The following LDB2 variants were observed in gnomAD, a reference collection of about 807,000 sequenced individuals.
LDB2 encodes the protein LIM domain-binding protein 2.
Under a neutral mutation model 44.3 loss-of-function variants are expected in LDB2, and 12 were observed. The observed-to-expected ratio is 0.27, with a 90% CI of 0.17 to 0.44. The LOEUF is 0.44. LDB2 is among the 20% of genes least tolerant of loss of function. LDB2 has a pLI of 1.00. For missense variants in LDB2, 344 were observed against 473.5 expected, an observed-to-expected ratio of 0.73 and a Z score of 2.54; for synonymous variants, 164 against 174.8, an observed-to-expected ratio of 0.94 and a Z score of 0.49.
At chr4:16,780,549 G>A (rs1772967508) in intron 1 of LDB2, among the ~76,000 whole-genome samples, 1 of 152,072 alleles carries the variant, frequency 6.6e-6, no homozygotes, top group African/African-American at 2.4e-5. Context: ...GATATAGGTG[G>A]CTCCACAAGG....
At chr4:16,866,674 T>C (rs1174982757) in intron 1 of LDB2, among the ~76,000 whole-genome samples, 3 of 152,114 alleles carry the variant, frequency 2.0e-5, no homozygotes. Flanking sequence ...TAAAGGGAGC[T>C]GGACATAGGG....
chr4:16,572,796 G>A (rs1327131071), intron 5 of LDB2, among the ~76,000 whole-genome samples: 1 of 152,148 alleles, frequency 6.6e-6, no homozygotes, highest in Admixed American at 6.5e-5. Context: ...GGTGTTCCAA[G>A]TTTTAATCAT....
chr4:16,778,825 T>A (rs1364373831), intron 1 of LDB2, among the ~76,000 whole-genome samples: 1 of 152,198 alleles, frequency 6.6e-6, no homozygotes, highest in African/African-American at 2.4e-5. Context: ...TTGCTCAAGA[T>A]CACATAGACA....
chr4:16,873,817 A>G (rs1311431065), intron 1 of LDB2, among the ~76,000 whole-genome samples: 1 of 152,218 alleles, frequency 6.6e-6, no homozygotes, highest in Non-Finnish European at 1.5e-5. Flanking sequence ...CATCACCACA[A>G]CCAGTTTCAG....
intron 5 of LDB2, among the ~76,000 whole-genome samples, chr4:16,544,565 G>C (rs1263703424): frequency 6.6e-6 from 1 of 152,206 alleles, no homozygotes; most frequent in African/African-American, 2.4e-5. Context: ...CCATGTTCCT[G>C]GGAGAAGGGG....
At chr4:16,687,158 A>T (rs13104990) in intron 2 of LDB2, among the ~76,000 whole-genome samples, 65,134 of 151,724 alleles carry the variant, frequency 0.43, 14,036 homozygotes, top group East Asian at 0.5. Flanking sequence ...TAATGCCATG[A>T]GTTTCTTGTT....
At chr4:16,725,276 A>G (rs985258260) in intron 2 of LDB2, among the ~76,000 whole-genome samples, 3 of 152,060 alleles carry the variant, frequency 2.0e-5, no homozygotes, top group East Asian at 1.9e-4. Flanking sequence ...ACACACGCAC[A>G]TATATACATC....
chr4:16,661,042 A>G (rs954720630), intron 2 of LDB2, among the ~76,000 whole-genome samples: 2 of 152,222 alleles, frequency 1.3e-5, no homozygotes, highest in South Asian at 4.1e-4. Flanking sequence ...ATAAAGCCAA[A>G]TTATACCCTG....
intron 2 of LDB2, among the ~76,000 whole-genome samples, chr4:16,747,650 A>T (rs182843098): frequency 1.1e-4 from 16 of 152,328 alleles, no homozygotes; most frequent in Admixed American, 2.6e-4. Flanking sequence ...GGACAAATAC[A>T]TCTCTCAGCT....
intron 2 of LDB2, among the ~76,000 whole-genome samples, chr4:16,629,241 G>A (rs1479156678): frequency 1.3e-5 from 2 of 152,162 alleles, no homozygotes; most frequent in African/African-American, 2.4e-5. Flanking sequence ...AGACTTAAAC[G>A]TCCCTGCCTG....
chr4:16,546,924 C>A (rs1051686223), intron 5 of LDB2, among the ~76,000 whole-genome samples: 4 of 152,190 alleles, frequency 2.6e-5, no homozygotes. Context: ...GTCGACTTGC[C>A]TCTTCACTCA....
intron 7 of LDB2, chr4:16,505,982 C>T: frequency 2.6e-6 from 4 of 1,551,274 alleles, no homozygotes; most frequent in Non-Finnish European, 3.5e-6. Flanking sequence ...GCTCCTAGCC[C>T]CTGCTCATGG....
rs1423784374 is a variant in LDB2 at position 16,585,909 on chromosome 4, C to T, written c.615+13G>A. On this transcript the variant is annotated intron_variant, in intron 5 of 7. Transcript: ENST00000304523. Reference sequence around the variant, plus strand: ...AAACTCACCAAAAAATAAAATCATTCGATTGATCTTACCCTGAGGTAGTTG... The same window carrying T: ...AAACTCACCAAAAAATAAAATCATTTGATTGATCTTACCCTGAGGTAGTTG... 8.1e-6 allele frequency: 13 copies of T among 1,603,030 alleles called. No individual in the cohort carries two copies. Among genetic ancestry groups the T allele is most frequent in the East Asian group, 4.5e-5 (2 of 44,766 alleles).
intron 2 of LDB2, among the ~76,000 whole-genome samples, chr4:16,690,999 A>G (rs1396278959): frequency 1.3e-5 from 2 of 152,178 alleles, no homozygotes; most frequent in African/African-American, 4.8e-5. Flanking sequence ...AGCAGCATTT[A>G]TTAATCATCT....
intron 2 of LDB2, among the ~76,000 whole-genome samples, chr4:16,707,592 G>T (rs1159932820): frequency 6.6e-6 from 1 of 151,926 alleles, no homozygotes; most frequent in Non-Finnish European, 1.5e-5. Flanking sequence ...ATTTTTATTT[G>T]CCAGTACACC....
At chr4:16,719,473 C>T (rs143189240) in intron 2 of LDB2, among the ~76,000 whole-genome samples, 1 of 152,186 alleles carries the variant, frequency 6.6e-6, no homozygotes, top group East Asian at 1.9e-4. Flanking sequence ...CCTTCTGTAG[C>T]ATCAAAAATC....
rs1434071638 is a variant in LDB2, at chr4:16,659,129, A to G, written c.236-63254T>C. Among the ~76,000 whole-genome samples the G allele has an allele frequency of 2.0e-5, 3 of 152,338 alleles. 1 individual carries two copies. Among genetic ancestry groups the G allele is most frequent in the African/African-American group, 7.2e-5 (3 of 41,590 alleles). On this transcript the variant is annotated intron_variant, in intron 2 of 7. Transcript: ENST00000304523. ...TCTCCAAAGACAGACACATTCTTAC[A>G]TATACGAAGGTTCTGCTCCACTTTC...
At chr4:16,527,854 A>ATCTT (rs1193223877) in intron 5 of LDB2, among the ~76,000 whole-genome samples, 1 of 152,218 alleles carries the variant, frequency 6.6e-6, no homozygotes, top group African/African-American at 2.4e-5. Flanking sequence ...TATGTTAATT[A>ATCTT]TCTTTATTTC....
intron 1 of LDB2, among the ~76,000 whole-genome samples, chr4:16,880,987 T>C (rs940871459): frequency 6.0e-5 from 9 of 151,260 alleles, no homozygotes; most frequent in Non-Finnish European, 1.0e-4. Flanking sequence ...GCTATGACTC[T>C]CACAGTGGTG....
Sources: allele counts gnomAD v4.1 joint callset (sites outside exome capture counted in the v4.1 genomes callset), GRCh38; gene constraint gnomAD v4.1.1; transcripts MANE v1.5; gene names NCBI Gene and HGNC (gene_info 2026-07-23, HGNC 2026-07-21).